AGBL4: variants seen among roughly 807,000 people sequenced by gnomAD.
The protein encoded by AGBL4 is cytosolic carboxypeptidase 6.
In AGBL4, 58 loss-of-function variants were observed where a neutral mutation model predicts 66.4. The ratio of observed to expected loss-of-function variants is 0.87; its 90% confidence interval spans 0.71 to 1.09. The LOEUF is 1.09. Among genes scored for constraint, AGBL4 ranks in the 50% least tolerant of loss-of-function variants. The pLI, the probability that AGBL4 is intolerant of heterozygous loss-of-function variation, is 0.00. For synonymous variants in AGBL4, 234 were observed against 222.9 expected, an observed-to-expected ratio of 1.05 and a Z score of -0.44; for missense variants, 579 against 631.0, an observed-to-expected ratio of 0.92 and a Z score of 0.88.
At chr1:49,406,596 C>G (rs982354873) in intron 3 of AGBL4, among the ~76,000 whole-genome samples, 2 of 151,648 alleles carry the variant, frequency 1.3e-5, no homozygotes, top group African/African-American at 4.8e-5. Context: ...TATGTGATAA[C>G]CCAGTATAAA....
intron 2 of AGBL4, among the ~76,000 whole-genome samples, chr1:49,748,990 G>C (rs1398072140): frequency 6.6e-6 from 1 of 152,062 alleles, no homozygotes; most frequent in Non-Finnish European, 1.5e-5. Flanking sequence ...TTCTTTTGCT[G>C]TGCAGAAGCT....
chr1:48,680,771 G>A (rs904373831), intron 6 of AGBL4, among the ~76,000 whole-genome samples: 3 of 152,184 alleles, frequency 2.0e-5, no homozygotes, highest in Non-Finnish European at 4.4e-5. Context: ...ATCTCATTCA[G>A]GCAATAAAGG....
intron 4 of AGBL4, among the ~76,000 whole-genome samples, chr1:49,106,446 G>A (rs902368963): frequency 6.6e-6 from 1 of 152,178 alleles, no homozygotes; most frequent in African/African-American, 2.4e-5. Context: ...AAGCAGTGTG[G>A]AAGATACTGC....
At chr1:49,597,149 A>G (rs1408869900) in intron 3 of AGBL4, among the ~76,000 whole-genome samples, 1 of 152,228 alleles carries the variant, frequency 6.6e-6, no homozygotes, top group Non-Finnish European at 1.5e-5. Context: ...CCAATCTCCA[A>G]TTAGGTTAAG....
intron 4 of AGBL4, among the ~76,000 whole-genome samples, chr1:49,098,188 C>A (rs569743749): frequency 1.3e-5 from 2 of 152,202 alleles, no homozygotes; most frequent in Admixed American, 6.5e-5. Flanking sequence ...GGATTAACCA[C>A]AATCTGTAAG....
At chr1:49,167,224 T>A (rs756994453) in intron 4 of AGBL4, among the ~76,000 whole-genome samples, 3 of 152,230 alleles carry the variant, frequency 2.0e-5, no homozygotes, top group Non-Finnish European at 4.4e-5. Flanking sequence ...GTTAAACTTA[T>A]CTGCCTCTAG....
chr1:49,025,655 C>G (rs1663606188), intron 5 of AGBL4: 1 of 152,130 alleles, frequency 6.6e-6, no homozygotes, highest in South Asian at 2.1e-4. Flanking sequence ...AAAGTGTGAC[C>G]ATACCCAAAG....
intron 3 of AGBL4, among the ~76,000 whole-genome samples, chr1:49,250,663 C>T (rs2082281): frequency 0.3 from 46,100 of 151,662 alleles, 7,853 homozygotes; most frequent in East Asian, 0.72. Context: ...AGGATGGTCT[C>T]GAACTCTTGA....
chr1:49,620,484 A>C (rs1384454065), intron 3 of AGBL4, among the ~76,000 whole-genome samples: 2 of 152,198 alleles, frequency 1.3e-5, no homozygotes, highest in Non-Finnish European at 2.9e-5. Flanking sequence ...GCTAGAGGGG[A>C]TGTGGAGAAA....
intron 4 of AGBL4, among the ~76,000 whole-genome samples, chr1:49,238,778 A>G (rs1650987037): frequency 6.6e-6 from 1 of 152,102 alleles, no homozygotes; most frequent in Non-Finnish European, 1.5e-5. Flanking sequence ...TTCATTTAGT[A>G]TGAAAATATT....
intron 2 of AGBL4, among the ~76,000 whole-genome samples, chr1:49,797,693 A>G (rs1644763498): frequency 6.6e-6 from 1 of 152,128 alleles, no homozygotes; most frequent in Admixed American, 6.6e-5. Flanking sequence ...AATCCTGCCA[A>G]CTAAGCCTCC....
chr1:49,982,138 T>G lies in AGBL4; in HGVS notation c.34+41625A>C, dbSNP rs562934274. 2.0e-5 allele frequency among the ~76,000 whole-genome samples: 3 copies of G among 152,304 alleles called. No individual in the cohort carries two copies. The South Asian group carries it at 6.2e-4, about 32-fold the overall frequency. On this transcript the variant is annotated intron_variant, in intron 1 of 13. Transcript: ENST00000371839. ...GTGAATACAGTTGAATGGTGATCAT[T>G]AAGATGTGTTCAAAATTAAGTAGTA...
At chr1:49,844,541 T>G (rs965253751) in intron 2 of AGBL4, 3 of 632,478 alleles carry the variant, frequency 4.7e-6, no homozygotes, top group African/African-American at 1.9e-5. Flanking sequence ...CTTTCCTGGT[T>G]TGCAAAACTA....
At chr1:48,966,694 G>A (rs572790781) in intron 5 of AGBL4, among the ~76,000 whole-genome samples, 58 of 152,106 alleles carry the variant, frequency 3.8e-4, no homozygotes, top group Non-Finnish European at 3.5e-4. Context: ...GCATTAATAA[G>A]TGACATTGGG....
intron 10 of AGBL4, among the ~76,000 whole-genome samples, chr1:48,589,759 T>A (rs1644883341): frequency 6.6e-6 from 1 of 152,220 alleles, no homozygotes. Context: ...ATAGAAATTA[T>A]CGTCCAGCAA....
intron 3 of AGBL4, among the ~76,000 whole-genome samples, chr1:49,293,328 G>T (rs1301286440): frequency 2.0e-5 from 3 of 152,222 alleles, no homozygotes; most frequent in Non-Finnish European, 2.9e-5. Flanking sequence ...CCAGTAGCAT[G>T]AGCCGAGTGT....
chr1:49,889,893 A>T (rs1648463638), intron 1 of AGBL4, among the ~76,000 whole-genome samples: 1 of 152,242 alleles, frequency 6.6e-6, no homozygotes. Context: ...ACCTTGAATG[A>T]ATGGATGAAT....
intron 5 of AGBL4, among the ~76,000 whole-genome samples, chr1:48,871,883 C>A (rs1256792112): frequency 6.6e-6 from 1 of 152,086 alleles, no homozygotes; most frequent in African/African-American, 2.4e-5. Context: ...TCACAGTGGA[C>A]TTCTCCAAAG....
At chr1:49,235,626 G>A (rs950138367) in intron 4 of AGBL4, among the ~76,000 whole-genome samples, 4 of 152,168 alleles carry the variant, frequency 2.6e-5, no homozygotes, top group Non-Finnish European at 4.4e-5. Flanking sequence ...TATATACAAG[G>A]TGGAAGGAAG....
Sources: allele counts gnomAD v4.1 joint callset (sites outside exome capture counted in the v4.1 genomes callset), GRCh38; gene constraint gnomAD v4.1.1; transcripts MANE v1.5; gene names NCBI Gene and HGNC (gene_info 2026-07-23, HGNC 2026-07-21).